The following KATNAL2 variants were observed in gnomAD, a reference collection of about 807,000 sequenced individuals.
KATNAL2 encodes katanin catalytic subunit A1 like 2, also known as katanin p60 ATPase-containing subunit A-like 2.
KATNAL2 carries 52 observed loss-of-function variants against 76.3 expected under a neutral mutation model. That is an observed-to-expected ratio of 0.68 (90% CI 0.55 to 0.86). KATNAL2 has a LOEUF of 0.86. Ranked by LOEUF, KATNAL2 falls within the 40% of genes least tolerant of loss-of-function variation. The probability of loss-of-function intolerance (pLI) is 0.00; values close to 1 mark genes in which losing one functional copy is unlikely to be tolerated. For synonymous variants in KATNAL2, 243 were observed against 244.2 expected, an observed-to-expected ratio of 1.00 and a Z score of 0.05; for missense variants, 660 against 668.9, an observed-to-expected ratio of 0.99 and a Z score of 0.15.
At chr18:46,926,214 G>A (rs2058724850) in intron 1 of KATNAL2, among the ~76,000 whole-genome samples, 1 of 151,768 alleles carries the variant, frequency 6.6e-6, no homozygotes, top group African/African-American at 2.4e-5. Context: ...TTTCTCTTGT[G>A]GGCATTTAGT....
chr18:47,088,272 TGC>T (rs1340701421), intron 15 of KATNAL2, among the ~76,000 whole-genome samples: 1 of 152,168 alleles, frequency 6.6e-6, no homozygotes, highest in African/African-American at 2.4e-5. Context: ...GGGAACTCAC[TGC>T]CACACCATTC....
Position 46,938,990 on chromosome 18 carries a change from C to G in KATNAL2, c.-509-7067C>G, listed in dbSNP as rs115284345. Among the ~76,000 whole-genome samples, 805 of 152,268 alleles carry G rather than the reference C, an allele frequency of 5.3e-3. 6 individuals are homozygous for G. The highest frequency in any genetic ancestry group is 0.018 in the African/African-American group (747 of 41,548). On this transcript the variant is annotated intron_variant, in intron 1 of 17. Coordinates refer to ENST00000683218, the MANE Select transcript of KATNAL2 (RefSeq NM_001387690.1). Reference sequence around the variant, plus strand: ...TCAGTGAAGGCAGGGACTTTATTCTCTATTCTATCCCCATTGATTGACTCA... The same window carrying G: ...TCAGTGAAGGCAGGGACTTTATTCTGTATTCTATCCCCATTGATTGACTCA...
At chr18:47,033,632 T>G (rs771988164) in intron 3 of KATNAL2, 1 of 1,614,156 alleles carries the variant, frequency 6.2e-7, no homozygotes, top group South Asian at 1.1e-5. Context: ...CCCACGTCGC[T>G]GAGGGCGTCC....
At chr18:46,949,972 A>C (rs1206477284) in intron 3 of KATNAL2, among the ~76,000 whole-genome samples, 1 of 152,016 alleles carries the variant, frequency 6.6e-6, no homozygotes, top group Non-Finnish European at 1.5e-5. Flanking sequence ...CTTGGGATAA[A>C]CCCTCCAAAT....
chr18:47,058,995 A>T (rs1312113790), intron 7 of KATNAL2, among the ~76,000 whole-genome samples: 1 of 152,152 alleles, frequency 6.6e-6, no homozygotes. Flanking sequence ...GTTTCAAAGG[A>T]AAGAGGACCA....
rs2062162975 is a variant in KATNAL2 at position 47,075,315 on chromosome 18, G to C, written c.1047G>C (p.Thr349=). ...FELARYHAPS[T]IFLDELESVM... ...TTGCCCGCTACCACGCCCCATCCAC[G>C]ATCTTCCTGGACGAGCTGGAGTCGG... is the stretch of plus-strand genomic sequence containing the variant. The change falls in exon 14 of 18, where the codon ACG becomes ACC. Residue 349 remains threonine, a synonymous_variant. Transcript: ENST00000683218. 1.3e-6 allele frequency: 2 copies of C among 1,561,532 alleles called. No homozygotes were observed. Among genetic ancestry groups the C allele is most frequent in the Non-Finnish European group, 1.7e-6 (2 of 1,158,676 alleles).
chr18:47,034,056 G>T (rs777225230), intron 3 of KATNAL2: 3 of 1,614,200 alleles, frequency 1.9e-6, no homozygotes, highest in Admixed American at 3.3e-5. Context: ...GTGCAGTGGT[G>T]GCAGATTTTC....
chr18:47,095,690 T>C (rs1234631849), intron 15 of KATNAL2, among the ~76,000 whole-genome samples: 1 of 152,246 alleles, frequency 6.6e-6, no homozygotes, highest in East Asian at 1.9e-4. Context: ...AAGGATAACA[T>C]ATTTTTGTGG....
At chr18:47,070,114 T>TTC (rs2061945107) in intron 13 of KATNAL2, among the ~76,000 whole-genome samples, 1 of 150,610 alleles carries the variant, frequency 6.6e-6, no homozygotes, top group Non-Finnish European at 1.5e-5. Context: ...TTTTTTTTTT[T>TTC]AGACGAAGTC....
chr18:47,051,928 G>A (rs971176513), intron 4 of KATNAL2, among the ~76,000 whole-genome samples: 1 of 152,042 alleles, frequency 6.6e-6, no homozygotes, highest in Non-Finnish European at 1.5e-5. Flanking sequence ...GAGAAGAGGA[G>A]GGCTACTAAA....
chr18:47,076,721 AATG>A (rs1457027981), intron 14 of KATNAL2: 1 of 151,156 alleles, frequency 6.6e-6, no homozygotes, highest in Non-Finnish European at 1.5e-5. Flanking sequence ...GTTATGGGCA[AATG>A]ATAATTAAAC....
chr18:47,043,226 C>CAAAAAAAAAAAAA (rs1195140135), intron 3 of KATNAL2, among the ~76,000 whole-genome samples: 1 of 41,688 alleles, frequency 2.4e-5, no homozygotes. Context: ...GACTCCGTTT[C>CAAAAAAAAAAAAA]AAAAAAAAAA....
chr18:47,064,029 G>C (rs2061713733), intron 10 of KATNAL2, among the ~76,000 whole-genome samples: 1 of 152,140 alleles, frequency 6.6e-6, no homozygotes, highest in African/African-American at 2.4e-5. Flanking sequence ...AGGCTCAGAG[G>C]GGGGTTTAAA....
chr18:46,936,598 GA>G (rs776651164), intron 1 of KATNAL2, among the ~76,000 whole-genome samples: 13 of 152,038 alleles, frequency 8.6e-5, no homozygotes, highest in Non-Finnish European at 1.9e-4. Context: ...GGGGTCAAAA[GA>G]GAAATCACCA....
At chr18:46,927,902 C>G (rs537028892) in intron 1 of KATNAL2, among the ~76,000 whole-genome samples, 1 of 152,342 alleles carries the variant, frequency 6.6e-6, no homozygotes, top group East Asian at 1.9e-4. Flanking sequence ...CTGCATTCGT[C>G]ACGTAGCTCT....
intron 6 of KATNAL2, among the ~76,000 whole-genome samples, chr18:47,057,101 CAT>C (rs2061494033): frequency 6.6e-6 from 1 of 152,166 alleles, no homozygotes; most frequent in Non-Finnish European, 1.5e-5. Context: ...GTGTTATCGA[CAT>C]GTGTGGTCTT....
intron 3 of KATNAL2, among the ~76,000 whole-genome samples, chr18:46,949,766 T>C (rs1436898657): frequency 1.3e-5 from 2 of 152,178 alleles, no homozygotes; most frequent in Non-Finnish European, 2.9e-5. Flanking sequence ...ATTGTATCTT[T>C]AATAATCCAT....
chr18:46,944,443 G>A (rs866561040), intron 1 of KATNAL2, among the ~76,000 whole-genome samples: 60 of 152,234 alleles, frequency 3.9e-4, no homozygotes, highest in African/African-American at 1.3e-3. Flanking sequence ...TCAAGTATAC[G>A]GGATGGGTTG....
At chr18:47,070,402 G>C (rs965204492) in intron 13 of KATNAL2, among the ~76,000 whole-genome samples, 2 of 151,980 alleles carry the variant, frequency 1.3e-5, no homozygotes, top group African/African-American at 2.4e-5. Context: ...GCGATTTTTT[G>C]CTTTCTTTCA....
Sources: gnomAD v4.1 joint callset for allele counts (sites outside exome capture counted in the v4.1 genomes callset) on GRCh38, gnomAD v4.1.1 for gene constraint, MANE v1.5 for transcripts, NCBI Gene and HGNC (gene_info 2026-07-23, HGNC 2026-07-21) for gene names.